The following GABRG3 variants were observed in gnomAD, a reference collection of about 807,000 sequenced individuals.
GABRG3 encodes gamma-aminobutyric acid receptor subunit gamma-3.
In GABRG3, 25 loss-of-function variants were observed where a neutral mutation model predicts 48.8. That is an observed-to-expected ratio of 0.51 (90% confidence interval 0.37 to 0.72). The LOEUF (loss-of-function observed/expected upper bound fraction) is 0.72. Ranked by LOEUF, GABRG3 falls within the 30% of genes least tolerant of loss-of-function variation. The pLI is 0.00. For synonymous variants in GABRG3, 227 were observed against 217.6 expected, an observed-to-expected ratio of 1.04 and a Z score of -0.38; for missense variants, 394 against 577.9, an observed-to-expected ratio of 0.68 and a Z score of 3.26.
At chr15:27,107,347 G>A (rs1211490380) in intron 3 of GABRG3, among the ~76,000 whole-genome samples, 1 of 151,940 alleles carries the variant, frequency 6.6e-6, no homozygotes, top group African/African-American at 2.4e-5. Flanking sequence ...TTACTCATAT[G>A]GTGATTTACA....
chr15:27,262,227 C>T lies in GABRG3; in HGVS notation c.271-64582C>T, dbSNP rs150966308. 5.4e-4 allele frequency among the ~76,000 whole-genome samples: 82 copies of T among 152,288 alleles called. 1 individual carries two copies. The highest frequency in any genetic ancestry group is 1.7e-3 in the South Asian group (8 of 4,824). On this transcript the variant is annotated intron_variant, in intron 3 of 9. Coordinates refer to ENST00000615808, the MANE Select transcript of GABRG3 (RefSeq NM_033223.5). ...TGCCTCGGTCTTTAATGGGCCCTCC[C>T]GCGCATTTGCGTCTGTTTGCTGTTT...
At position 27,179,736 on chromosome 15, in the gene GABRG3, G is replaced by T. The variant is rs1887865392; in HGVS notation, c.271-147073G>T. Among the ~76,000 whole-genome samples the T allele has an allele frequency of 6.6e-6, 1 of 152,084 alleles. No individual in the cohort carries two copies. Among genetic ancestry groups the T allele is most frequent in the South Asian group, 2.1e-4 (1 of 4,822 alleles). ...TGCCATCTGTTCTGTGTCTTTTCAT[G>T]GTGTGAATTTTGAATGCTGTGGGAA... is the stretch of plus-strand genomic sequence containing the variant. On this transcript the variant is annotated intron_variant, in intron 3 of 9. Transcript: ENST00000615808. The surrounding 1 kb of genome is among the most constrained non-coding windows in gnomAD (Gnocchi z 4.0).
At chr15:27,006,101 A>G (rs1301539682) in intron 2 of GABRG3, among the ~76,000 whole-genome samples, 1 of 152,152 alleles carries the variant, frequency 6.6e-6, no homozygotes, top group Admixed American at 6.5e-5. Flanking sequence ...GTGTTTGTGG[A>G]CTTTATCTAG....
chr15:27,265,363 TAACA>T (rs1890885228), intron 3 of GABRG3, among the ~76,000 whole-genome samples: 1 of 152,186 alleles, frequency 6.6e-6, no homozygotes, highest in African/African-American at 2.4e-5. Context: ...AATACTCTCA[TAACA>T]ACCAGCCGTA....
intron 3 of GABRG3, among the ~76,000 whole-genome samples, chr15:27,203,761 G>T (rs760530935): frequency 1.7e-4 from 26 of 151,936 alleles, no homozygotes; most frequent in Non-Finnish European, 2.5e-4. Context: ...ATCTCATTGT[G>T]GTTTTGATTT....
Position 27,066,915 on chromosome 15 carries a change from G to C in GABRG3, c.270+40094G>C, listed in dbSNP as rs183474220. Among the ~76,000 whole-genome samples, 136 of 152,268 alleles carry C rather than the reference G, an allele frequency of 8.9e-4. 1 individual carries two copies. Among genetic ancestry groups the C allele is most frequent in the African/African-American group, 3.1e-3 (127 of 41,548 alleles). On this transcript the variant is annotated intron_variant, in intron 3 of 9. Coordinates refer to ENST00000615808, the MANE Select transcript of GABRG3 (RefSeq NM_033223.5). ...CTGAGAAATAGAATGTCAAGGGTGAGGCAAACAGAAACCACAACTACATAC... is the reference window on the plus strand; with the variant it reads ...CTGAGAAATAGAATGTCAAGGGTGACGCAAACAGAAACCACAACTACATAC...
At chr15:27,520,671 GT>G (rs1327135783) in intron 7 of GABRG3, among the ~76,000 whole-genome samples, 1 of 62,912 alleles carries the variant, frequency 1.6e-5, no homozygotes, top group African/African-American at 9.4e-5. Context: ...ACTTTCAGTA[GT>G]TTTAGAACTG....
chr15:27,250,008 A>C (rs1006745868), intron 3 of GABRG3, among the ~76,000 whole-genome samples: 1 of 152,156 alleles, frequency 6.6e-6, no homozygotes, highest in Non-Finnish European at 1.5e-5. Context: ...CAGCACGCAC[A>C]GGTGGGAGGG....
At chr15:27,077,558 G>A (rs562088666) in intron 3 of GABRG3, among the ~76,000 whole-genome samples, 16 of 152,052 alleles carry the variant, frequency 1.1e-4, no homozygotes, top group South Asian at 4.2e-4. Context: ...GCTGACCTTC[G>A]TGGGTAAAAG....
At chr15:26,977,961 T>C (rs1196433394) in intron 2 of GABRG3, among the ~76,000 whole-genome samples, 1 of 152,234 alleles carries the variant, frequency 6.6e-6, no homozygotes, top group Admixed American at 6.5e-5. Context: ...GAGATCCAGT[T>C]TCTTTGTGTC....
At chr15:27,105,946 T>G (rs1242936857) in intron 3 of GABRG3, among the ~76,000 whole-genome samples, 3 of 152,048 alleles carry the variant, frequency 2.0e-5, no homozygotes, top group African/African-American at 7.2e-5. Context: ...ATTCAGACTT[T>G]AAAAAAGAAG....
chr15:27,224,186 G>A (rs964060884), intron 3 of GABRG3, among the ~76,000 whole-genome samples: 3 of 152,222 alleles, frequency 2.0e-5, no homozygotes, highest in Admixed American at 2.0e-4. Context: ...GTTTGGGGGT[G>A]CCGCATGTTT....
chr15:27,237,112 G>C (rs771162458), intron 3 of GABRG3, among the ~76,000 whole-genome samples: 1 of 152,246 alleles, frequency 6.6e-6, no homozygotes, highest in African/African-American at 2.4e-5. Context: ...TGCAAATGAA[G>C]AGAATTCAAG....
intron 3 of GABRG3, among the ~76,000 whole-genome samples, chr15:27,240,823 TAACTG>T (rs1277262565): frequency 1.3e-5 from 2 of 152,238 alleles, no homozygotes; most frequent in Non-Finnish European, 2.9e-5. Flanking sequence ...TTTCAACACT[TAACTG>T]AACGTGATCA....
intron 3 of GABRG3, among the ~76,000 whole-genome samples, chr15:27,222,335 C>T (rs1231503072): frequency 6.6e-6 from 1 of 152,194 alleles, no homozygotes; most frequent in Non-Finnish European, 1.5e-5. Flanking sequence ...AGTTGTTTTA[C>T]AGAGATCCAA....
intron 3 of GABRG3, among the ~76,000 whole-genome samples, chr15:27,050,200 A>C (rs1057297100): frequency 1.3e-5 from 2 of 152,214 alleles, no homozygotes; most frequent in African/African-American, 4.8e-5. Context: ...TTCTTTGATG[A>C]CACACAAAGA....
intron 3 of GABRG3, among the ~76,000 whole-genome samples, chr15:27,186,707 T>C (rs1214168435): frequency 6.6e-6 from 1 of 152,200 alleles, no homozygotes; most frequent in Non-Finnish European, 1.5e-5. Flanking sequence ...TTCTGATTGT[T>C]CTGAGATAGT....
At chr15:27,445,304 T>C (rs185774104) in intron 5 of GABRG3, among the ~76,000 whole-genome samples, 1 of 152,336 alleles carries the variant, frequency 6.6e-6, no homozygotes, top group Non-Finnish European at 1.5e-5. Context: ...CTATATGATT[T>C]TACATACCCA....
At chr15:27,075,537 A>G (rs1896896191) in intron 3 of GABRG3, among the ~76,000 whole-genome samples, 1 of 152,252 alleles carries the variant, frequency 6.6e-6, no homozygotes, top group South Asian at 2.1e-4. Context: ...TACATTCGGC[A>G]GAGAACTCTT....
Sources: gnomAD v4.1 joint callset for allele counts (sites outside exome capture counted in the v4.1 genomes callset) on GRCh38, gnomAD v4.1.1 for gene constraint, Gnocchi (gnomAD v3.1) non-coding constraint, MANE v1.5 for transcripts, NCBI Gene and HGNC (gene_info 2026-07-23, HGNC 2026-07-21) for gene names.